The following CADPS2 variants were observed in gnomAD, a reference collection of about 807,000 sequenced individuals.
CADPS2 encodes the protein calcium-dependent secretion activator 2.
In CADPS2, 93 loss-of-function variants were observed where a neutral mutation model predicts 172.5. The observed-to-expected ratio is 0.54, with a 90% CI of 0.46 to 0.64. The LOEUF is 0.64. CADPS2 is among the 30% of genes least tolerant of loss of function. The probability of loss-of-function intolerance (pLI) is 0.00; values close to 1 mark genes in which losing one functional copy is unlikely to be tolerated. For synonymous variants in CADPS2, 546 were observed against 555.2 expected (o/e 0.98, Z 0.23); for missense variants, 1,420 against 1,565.9 (o/e 0.91, Z 1.57).
rs367899406 is a variant in CADPS2, at chr7:122,366,648, T to C, written c.3388-5635A>G. ...ACACACACACACACACACACACACATATATATACATACACACATACATATA... is the reference window on the plus strand; with the variant it reads ...ACACACACACACACACACACACACACATATATACATACACACATACATATA... On this transcript the variant is annotated intron_variant, in intron 25 of 29. Coordinates refer to ENST00000449022, the MANE Select transcript of CADPS2 (RefSeq NM_017954.11). 7.6e-3 allele frequency: 988 copies of C among 130,480 alleles called. 16 individuals carry two copies. The highest frequency in any genetic ancestry group is 0.025 in the African/African-American group (830 of 32,676). The allele number at this position is 130,480 out of a possible 1,614,324, so 8.1% of individuals were successfully genotyped here.
chr7:122,864,616 T>A (rs1817819085), intron 1 of CADPS2, among the ~76,000 whole-genome samples: 1 of 152,272 alleles, frequency 6.6e-6, no homozygotes. Flanking sequence ...GACCGTCAAG[T>A]AGGCAATTAA....
chr7:122,653,822 C>T (rs982595315), intron 3 of CADPS2, among the ~76,000 whole-genome samples: 1 of 152,144 alleles, frequency 6.6e-6, no homozygotes, highest in East Asian at 1.9e-4. Context: ...TGCTCCCATA[C>T]GAGACAACAA....
At chr7:122,362,913 A>T (rs898526473) in intron 25 of CADPS2, among the ~76,000 whole-genome samples, 4 of 152,218 alleles carry the variant, frequency 2.6e-5, no homozygotes, top group Non-Finnish European at 5.9e-5. Flanking sequence ...ATCATTTGCG[A>T]CATGATGTAA....
chr7:122,634,241 T>C (rs1230594122), intron 3 of CADPS2, among the ~76,000 whole-genome samples: 3 of 152,170 alleles, frequency 2.0e-5, no homozygotes, highest in Non-Finnish European at 4.4e-5. Flanking sequence ...TGGTACCGGT[T>C]CTTCTTTGTA....
At chr7:122,596,099 G>T (rs2071728723) in intron 6 of CADPS2, among the ~76,000 whole-genome samples, 1 of 152,098 alleles carries the variant, frequency 6.6e-6, no homozygotes. Context: ...GCTGGTTCCT[G>T]TGAGCACTAC....
intron 15 of CADPS2, among the ~76,000 whole-genome samples, chr7:122,445,064 T>A (rs928281405): frequency 3.3e-5 from 5 of 152,308 alleles, no homozygotes; most frequent in South Asian, 2.1e-4. Flanking sequence ...AGACCATATA[T>A]GTGTGTGAGT....
At chr7:122,657,374 C>T (rs1308988021) in intron 3 of CADPS2, among the ~76,000 whole-genome samples, 1 of 152,126 alleles carries the variant, frequency 6.6e-6, no homozygotes, top group African/African-American at 2.4e-5. Context: ...ATGGGGATGG[C>T]ATTGAATCTA....
At chr7:122,550,193 T>C (rs1052818211) in intron 8 of CADPS2, among the ~76,000 whole-genome samples, 5 of 152,198 alleles carry the variant, frequency 3.3e-5, no homozygotes, top group Non-Finnish European at 7.3e-5. Flanking sequence ...AGTTTAACTA[T>C]TGTCTCTCCT....
intron 20 of CADPS2, among the ~76,000 whole-genome samples, chr7:122,405,662 C>T (rs1032013236): frequency 4.2e-5 from 5 of 118,736 alleles, no homozygotes; most frequent in African/African-American, 1.7e-4. Flanking sequence ...CTGTCTCAAA[C>T]AAAACAAACA....
intron 7 of CADPS2, among the ~76,000 whole-genome samples, chr7:122,578,147 A>T (rs1199769038): frequency 6.6e-6 from 1 of 151,438 alleles, no homozygotes; most frequent in Non-Finnish European, 1.5e-5. Context: ...TATATACTTA[A>T]TATGTGTATA....
rs2151738325 is a variant in CADPS2 at position 122,414,134 on chromosome 7, C to A, written c.2581-58G>T. 58 of 1,349,784 alleles carry A rather than the reference C, an allele frequency of 4.3e-5. 1 individual carries two copies. The highest frequency in any genetic ancestry group is 1.3e-4 in the East Asian group (5 of 38,174). The allele number at this position is 1,349,784 out of a possible 1,614,324, so 83.6% of individuals were successfully genotyped here. A position where few individuals can be genotyped will look rare whatever the true frequency, so the allele number is the denominator to read the frequency against. On this transcript the variant is annotated intron_variant, in intron 18 of 29. Coordinates refer to ENST00000449022, the MANE Select transcript of CADPS2 (RefSeq NM_017954.11). ...GAGTAGAACAATTGCCATAGTGTTA[C>A]AAAACATCTTTAAAAAAGGTCATCA...
At chr7:122,796,075 G>T (rs1314558651) in intron 1 of CADPS2, among the ~76,000 whole-genome samples, 1 of 151,950 alleles carries the variant, frequency 6.6e-6, no homozygotes, top group Non-Finnish European at 1.5e-5. Context: ...AAACAGTTAA[G>T]CCGAGAGCCA....
At chr7:122,573,073 G>A (rs1329121691) in intron 7 of CADPS2, among the ~76,000 whole-genome samples, 1 of 152,102 alleles carries the variant, frequency 6.6e-6, no homozygotes, top group African/African-American at 2.4e-5. Context: ...TTACAACAAA[G>A]AGTCACTAGG....
intron 2 of CADPS2, among the ~76,000 whole-genome samples, chr7:122,716,654 T>C (rs1013552149): frequency 6.6e-6 from 1 of 152,126 alleles, no homozygotes; most frequent in Non-Finnish European, 1.5e-5. Flanking sequence ...GTTGTGCACA[T>C]GTACCCTAGA....
intron 2 of CADPS2, among the ~76,000 whole-genome samples, chr7:122,706,377 T>C (rs1213221306): frequency 7.7e-4 from 83 of 108,012 alleles, no homozygotes; most frequent in African/African-American, 1.9e-3. Context: ...AAGGAATATA[T>C]ATATATGCTT....
intron 3 of CADPS2, among the ~76,000 whole-genome samples, chr7:122,657,119 T>A (rs997963109): frequency 1.1e-4 from 16 of 152,212 alleles, no homozygotes; most frequent in African/African-American, 3.9e-4. Context: ...AGATGGTTGT[T>A]TATGTGTGGT....
chr7:122,668,336 T>C (rs886806798), intron 2 of CADPS2, among the ~76,000 whole-genome samples: 1 of 150,326 alleles, frequency 6.7e-6, no homozygotes, highest in Non-Finnish European at 1.5e-5. Flanking sequence ...TGGTGGTGAA[T>C]GTTGGGAGAG....
intron 1 of CADPS2, among the ~76,000 whole-genome samples, chr7:122,882,586 ATCTC>A (rs1823204285): frequency 6.7e-6 from 1 of 148,968 alleles, no homozygotes; most frequent in South Asian, 2.1e-4. Context: ...GCTTATCAGG[ATCTC>A]TCTAACTTTC....
chr7:122,367,475 C>T (rs1403970192), intron 25 of CADPS2, among the ~76,000 whole-genome samples: 1 of 148,662 alleles, frequency 6.7e-6, no homozygotes, highest in East Asian at 2.0e-4. Flanking sequence ...TTCAGCAGTG[C>T]TTTCTGAGAG....
Sources: gnomAD v4.1 joint callset for allele counts (sites outside exome capture counted in the v4.1 genomes callset) on GRCh38, gnomAD v4.1.1 for gene constraint, MANE v1.5 for transcripts, NCBI Gene and HGNC (gene_info 2026-07-23, HGNC 2026-07-21) for gene names.